GABRG3: variants seen among roughly 807,000 people sequenced by gnomAD.
The protein encoded by GABRG3 is gamma-aminobutyric acid receptor subunit gamma-3.
Under a neutral mutation model 48.8 loss-of-function variants are expected in GABRG3, and 25 were observed. The observed-to-expected ratio is 0.51, with a 90% CI of 0.37 to 0.72. GABRG3 has a LOEUF of 0.72. GABRG3 is among the 30% of genes least tolerant of loss of function. The pLI is 0.00. For synonymous variants in GABRG3, 227 were observed against 217.6 expected (o/e 1.04, Z -0.38); for missense variants, 394 against 577.9 (o/e 0.68, Z 3.26).
chr15:27,464,917 A>G (rs2150837340), intron 5 of GABRG3, among the ~76,000 whole-genome samples: 1 of 152,314 alleles, frequency 6.6e-6, no homozygotes, highest in Non-Finnish European at 1.5e-5. Context: ...GCACTCTTTT[A>G]AATTTGCATT....
intron 5 of GABRG3, among the ~76,000 whole-genome samples, chr15:27,383,423 T>C (rs575496182): frequency 4.1e-4 from 62 of 152,350 alleles, no homozygotes; most frequent in Non-Finnish European, 7.2e-4. Flanking sequence ...ACTGCACGTC[T>C]AGGCTGTGGC....
chr15:27,344,215 C>T (rs1056242263), intron 5 of GABRG3, among the ~76,000 whole-genome samples: 4 of 152,206 alleles, frequency 2.6e-5, no homozygotes, highest in Non-Finnish European at 5.9e-5. Context: ...TGACCCCACA[C>T]TCTTTCTTGT....
intron 3 of GABRG3, among the ~76,000 whole-genome samples, chr15:27,311,052 T>C (rs1393564831): frequency 6.6e-6 from 1 of 152,166 alleles, no homozygotes; most frequent in Non-Finnish European, 1.5e-5. Context: ...ATTTCAGAGA[T>C]AGAATTTAAT....
At chr15:27,413,343 C>A (rs983887521) in intron 5 of GABRG3, among the ~76,000 whole-genome samples, 1 of 152,014 alleles carries the variant, frequency 6.6e-6, no homozygotes, top group African/African-American at 2.4e-5. Context: ...TAAAGCTTGA[C>A]CAAGGTTAAT....
At chr15:27,191,466 T>C (rs1200232243) in intron 3 of GABRG3, among the ~76,000 whole-genome samples, 1 of 152,222 alleles carries the variant, frequency 6.6e-6, no homozygotes, top group Admixed American at 6.5e-5. Context: ...TTGATCCCTT[T>C]ACCATTATGT....
At chr15:27,149,382 G>A (rs999684205) in intron 3 of GABRG3, among the ~76,000 whole-genome samples, 1 of 152,144 alleles carries the variant, frequency 6.6e-6, no homozygotes, top group Non-Finnish European at 1.5e-5. Flanking sequence ...TGGATTGGAA[G>A]ACTTAACATT....
rs561246069 is a variant in GABRG3, at chr15:27,477,763, G to A, written c.575-2887G>A. Among the ~76,000 whole-genome samples, 46 of 152,178 alleles carry A rather than the reference G, an allele frequency of 3.0e-4. 1 individual carries two copies. Among genetic ancestry groups the A allele is most frequent in the Non-Finnish European group, 2.9e-4 (20 of 68,002 alleles). ...ATTCTATTAAAAAGAAAAGGAGGCCGGGCACAGTGGCTCACACCTGTAATC... is the reference window on the plus strand; with the variant it reads ...ATTCTATTAAAAAGAAAAGGAGGCCAGGCACAGTGGCTCACACCTGTAATC... On this transcript the variant is annotated intron_variant, in intron 5 of 9. Coordinates refer to ENST00000615808, the MANE Select transcript of GABRG3 (RefSeq NM_033223.5).
At chr15:27,450,564 A>AT (rs1889079916) in intron 5 of GABRG3, among the ~76,000 whole-genome samples, 1 of 152,208 alleles carries the variant, frequency 6.6e-6, no homozygotes, top group Non-Finnish European at 1.5e-5. Flanking sequence ...ATGTACCTCA[A>AT]AATAATAAAG....
At chr15:27,328,673 G>A in intron 4 of GABRG3, 133 bp from the exon 5 acceptor site, 1 of 671,896 alleles carries the variant, frequency 1.5e-6, no homozygotes, top group Admixed American at 2.2e-5. Context: ...TGGTTCCCGG[G>A]CCAAGAGTGA....
intron 3 of GABRG3, among the ~76,000 whole-genome samples, chr15:27,175,241 C>T (rs1346231574): frequency 6.6e-6 from 1 of 152,142 alleles, no homozygotes; most frequent in African/African-American, 2.4e-5. Flanking sequence ...CTCCCCCAGC[C>T]TTGTCACCAC....
chr15:27,374,570 A>G (rs754275803), intron 5 of GABRG3, among the ~76,000 whole-genome samples: 1 of 152,124 alleles, frequency 6.6e-6, no homozygotes, highest in African/African-American at 2.4e-5. Context: ...ATGCATTTCT[A>G]TTGTTTAAGT....
intron 3 of GABRG3, among the ~76,000 whole-genome samples, chr15:27,313,405 C>A (rs542000571): frequency 3.5e-4 from 51 of 147,584 alleles, no homozygotes; most frequent in South Asian, 6.6e-4. Context: ...ACTTCAGCAC[C>A]CCACTTTCAA....
intron 5 of GABRG3, among the ~76,000 whole-genome samples, chr15:27,377,350 G>A (rs2140560927): frequency 6.6e-6 from 1 of 152,166 alleles, no homozygotes; most frequent in East Asian, 1.9e-4. Context: ...CACGTTTTCG[G>A]GTATCTTTTC....
At chr15:27,241,519 G>T (rs748109965) in intron 3 of GABRG3, among the ~76,000 whole-genome samples, 28 of 152,152 alleles carry the variant, frequency 1.8e-4, no homozygotes, top group Non-Finnish European at 3.4e-4. Context: ...ACTTCCTGGA[G>T]CAACAGGTTT....
chr15:27,230,153 G>T (rs1889752981), intron 3 of GABRG3, among the ~76,000 whole-genome samples: 1 of 152,150 alleles, frequency 6.6e-6, no homozygotes, highest in Non-Finnish European at 1.5e-5. Context: ...TTTAGTGTGT[G>T]TGTGGCAATT....
chr15:27,372,427 C>G (rs1159046743), intron 5 of GABRG3, among the ~76,000 whole-genome samples: 1 of 152,248 alleles, frequency 6.6e-6, no homozygotes, highest in South Asian at 2.1e-4. Context: ...GGGTCTCGCT[C>G]AGTCACCCAG....
At chr15:27,389,062 C>T (rs1421710292) in intron 5 of GABRG3, among the ~76,000 whole-genome samples, 1 of 152,150 alleles carries the variant, frequency 6.6e-6, no homozygotes, top group Non-Finnish European at 1.5e-5. Context: ...AGAGCAGTCC[C>T]ACAAATCGAT....
chr15:27,526,969 A>G (rs1891292350), intron 7 of GABRG3, among the ~76,000 whole-genome samples: 1 of 152,194 alleles, frequency 6.6e-6, no homozygotes, highest in African/African-American at 2.4e-5. Context: ...GATACTGCAG[A>G]TGTGCATGTT....
chr15:27,264,926 A>G (rs922613333), intron 3 of GABRG3, among the ~76,000 whole-genome samples: 9 of 152,092 alleles, frequency 5.9e-5, no homozygotes, highest in Admixed American at 2.6e-4. Flanking sequence ...TAAAAATTTA[A>G]AAAAACAAAA....
Sources: gnomAD v4.1 joint callset for allele counts (sites outside exome capture counted in the v4.1 genomes callset) on GRCh38, gnomAD v4.1.1 for gene constraint, MANE v1.5 for transcripts, NCBI Gene and HGNC (gene_info 2026-07-23, HGNC 2026-07-21) for gene names.